F8: variants seen among roughly 807,000 people sequenced by gnomAD.
F8 encodes the protein coagulation factor VIII, also known as antihemophilic factor.
A neutral mutation model predicts 140.6 loss-of-function variants in F8; 12 were observed. The ratio of observed to expected loss-of-function variants is 0.09; its 90% CI spans 0.05 to 0.14. F8 has a LOEUF of 0.14. Among genes scored for constraint, F8 ranks in the 10% least tolerant of loss-of-function variants. The pLI is 1.00. For synonymous variants in F8, 585 were observed against 614.6 expected, an observed-to-expected ratio of 0.95 and a Z score of 0.71; for missense variants, 1,354 against 1,720.7, an observed-to-expected ratio of 0.79 and a Z score of 3.77.
chrX:155,007,469 T>A (rs1262650788), intron 1 of F8, among the ~76,000 whole-genome samples: 1 of 111,495 alleles, frequency 9.0e-6, no homozygotes, highest in Non-Finnish European at 1.9e-5. Flanking sequence ...GAGCTCCCAA[T>A]ATGCCATATT....
At chrX:154,966,922 C>T (rs1316532823) in intron 7 of F8, among the ~76,000 whole-genome samples, 1 of 110,154 alleles carries the variant, frequency 9.1e-6, no homozygotes, top group Non-Finnish European at 1.9e-5. Flanking sequence ...AGGAGCAAGA[C>T]AGAGAGTGCA....
At chrX:154,896,508 C>T (rs1371460750) in intron 21 of F8, among the ~76,000 whole-genome samples, 4 of 37,690 alleles carry the variant, frequency 1.1e-4, no homozygotes, top group Non-Finnish European at 1.7e-4. Flanking sequence ...CCATTTCGTA[C>T]ACACACACAC....
At chrX:154,922,814 G>T (rs1557277668) in intron 14 of F8, among the ~76,000 whole-genome samples, 1 of 111,766 alleles carries the variant, frequency 8.9e-6, no homozygotes, top group African/African-American at 3.3e-5. Flanking sequence ...AGGCAGAGAG[G>T]TTGCAGAGGG....
rs782733383 is a variant in F8 at position 154,836,292 on chromosome X, T to A, written c.*1305A>T. ...TTGGATGCTTCCTCCAACTGCTCTA[T>A]AACTTATCCTTGTCTCCAGCCCCCT... On this transcript the variant is annotated 3_prime_UTR_variant, in exon 26 of 26. Transcript: ENST00000360256. 1 of 111,485 alleles carries A rather than the reference T, an allele frequency of 9.0e-6. No individual in the cohort carries two copies. Among genetic ancestry groups the A allele is most frequent in the Non-Finnish European group, 1.9e-5 (1 of 53,117 alleles). 9.2% of individuals were successfully genotyped at this position (111,485 alleles called of 1,213,427 possible).
intron 13 of F8, among the ~76,000 whole-genome samples, chrX:154,939,321 A>T (rs1403423121): frequency 8.9e-5 from 10 of 112,278 alleles, no homozygotes; most frequent in African/African-American, 3.2e-4. Flanking sequence ...CCACCCTAAT[A>T]CTGCGCTCTT....
intron 1 of F8, among the ~76,000 whole-genome samples, chrX:155,019,050 T>C (rs1301361495): frequency 8.9e-6 from 1 of 112,132 alleles, no homozygotes; most frequent in Non-Finnish European, 1.9e-5. Context: ...CCATGAATAG[T>C]AGATTTTACT....
At position 154,930,164 on chromosome X, in the gene F8, T is replaced by C. The variant is rs1265357914; in HGVS notation, c.3626A>G (p.Gln1209Arg). Residue 1209 changes from glutamine to arginine, a missense_variant, in exon 14 of 26, where the codon CAA (glutamine) becomes CGA (arginine). Coordinates refer to ENST00000360256, the MANE Select transcript of F8 (RefSeq NM_000132.4). ...TATTTCTTCCTGAATTTTTTTTTCT[T>C]GATTGTGTGTATTATTTTCATGTAA... ...DNLHENNTHNQEKKIQEEIEK... is the reference protein window; with the variant it reads ...DNLHENNTHNREKKIQEEIEK... The C allele has an allele frequency of 1.6e-5, 19 of 1,205,700 alleles. No individual in the cohort carries two copies. The highest frequency in any genetic ancestry group is 2.1e-5 in the Non-Finnish European group (19 of 893,389).
chrX:155,006,335 C>T (rs1347811040), intron 1 of F8, among the ~76,000 whole-genome samples: 2 of 65,664 alleles, frequency 3.0e-5, no homozygotes, highest in South Asian at 1.0e-3. Flanking sequence ...GGTCACCCTC[C>T]AGCCACCAGA....
chrX:154,859,438 G>A (rs374524010), intron 25 of F8, among the ~76,000 whole-genome samples: 27 of 108,424 alleles, frequency 2.5e-4, no homozygotes, highest in African/African-American at 8.7e-4. Flanking sequence ...GAGTAGCTGG[G>A]ACTACAGGCA....
chrX:154,997,499 T>G lies in F8; in HGVS notation c.266-404A>C, dbSNP rs1231736553. 3.6e-5 allele frequency among the ~76,000 whole-genome samples: 4 copies of G among 112,328 alleles called. No individual in the cohort carries two copies. The East Asian group carries it at 1.1e-3, about 31-fold the overall frequency. ...ATGAGGCAGGAGGTAGAGGATACTTTCAGTGTAGTAGTCAGGAAGGGCCTC... is the reference window on the plus strand; with the variant it reads ...ATGAGGCAGGAGGTAGAGGATACTTGCAGTGTAGTAGTCAGGAAGGGCCTC... On this transcript the variant is annotated intron_variant, in intron 2 of 25. Coordinates refer to ENST00000360256, the MANE Select transcript of F8 (RefSeq NM_000132.4).
chrX:154,875,922 G>C (rs782536914), intron 22 of F8, among the ~76,000 whole-genome samples: 1 of 110,748 alleles, frequency 9.0e-6, no homozygotes, highest in South Asian at 3.8e-4. Context: ...AAGAGAAAGG[G>C]AATACAGTTT....
At chrX:154,914,930 T>C (rs2073087770) in intron 14 of F8, among the ~76,000 whole-genome samples, 1 of 111,821 alleles carries the variant, frequency 8.9e-6, no homozygotes, top group Non-Finnish European at 1.9e-5. Context: ...ACCAATTTAC[T>C]GTATTAGTCT....
intron 6 of F8, among the ~76,000 whole-genome samples, chrX:154,975,816 T>A (rs1184011892): frequency 8.9e-6 from 1 of 112,469 alleles, no homozygotes; most frequent in Non-Finnish European, 1.9e-5. Context: ...TATATTTAGG[T>A]GCTCCAATGT....
In F8 at chrX:154,993,092, G is replaced by C; in HGVS notation, c.445C>G (p.Pro149Ala). The C allele has an allele frequency of 8.3e-7, 1 of 1,211,481 alleles. No individual in the cohort carries two copies. The highest frequency in any genetic ancestry group is 2.3e-4 in the Middle Eastern group (1 of 4,333). ...CAGACATATGTATGGCTTCCACCAG[G>C]GAAGACTTTATCATCTTCTTTCTCC... ...QREKEDDKVF[P>A]GGSHTYVWQV... Residue 149 changes from proline (P) to alanine (A), a missense_variant, in exon 4 of 26, where the codon CCT (proline) becomes GCT (alanine). Around this residue, in one of 4 missense-constraint regions of F8, gnomAD observed 128 missense variants for 230.4 expected, o/e 0.56. Coordinates refer to ENST00000360256, the MANE Select transcript of F8 (RefSeq NM_000132.4).
At chrX:154,914,481 G>T (rs2073085002) in intron 14 of F8, among the ~76,000 whole-genome samples, 1 of 112,093 alleles carries the variant, frequency 8.9e-6, no homozygotes, top group Non-Finnish European at 1.9e-5. Context: ...TGTCACTCTG[G>T]AATGCTTTGT....
At chrX:154,937,634 T>C (rs1246309148) in intron 13 of F8, among the ~76,000 whole-genome samples, 8 of 111,277 alleles carry the variant, frequency 7.2e-5, no homozygotes, top group African/African-American at 2.6e-4. Flanking sequence ...GAAAGGGACA[T>C]ATTTCTAGAA....
chrX:154,919,211 A>G (rs782081955), intron 14 of F8: 1 of 111,964 alleles, frequency 8.9e-6, no homozygotes, highest in Non-Finnish European at 1.9e-5. Context: ...ACATTTGACC[A>G]TGTTTTATGA....
At position 154,929,069 on chromosome X, in the gene F8, G is replaced by A. The variant is rs2073176638; in HGVS notation, c.4721C>T (p.Ala1574Val). Residue 1574 changes from alanine (A) to valine (V), a missense_variant, in exon 14 of 26, where the codon GCA becomes GTA. Physicochemically the swap from Ala to Val is moderately conservative, Grantham distance 64. Coordinates refer to ENST00000360256, the MANE Select transcript of F8 (RefSeq NM_000132.4). ...PFLRVATESS[A>V]KTPSKLLDPL... ...ATCCAATAGCTTGGAGGGAGTCTTT[G>A]CAGAGCTTTCTGTTGCTACTCTCAG... 8.3e-7 allele frequency: 1 copy of A among 1,211,322 alleles called. No individual in the cohort carries two copies.
intron 3 of F8, among the ~76,000 whole-genome samples, chrX:154,995,713 T>C (rs782296433): frequency 1.8e-5 from 2 of 112,990 alleles, no homozygotes; most frequent in African/African-American, 6.4e-5. Context: ...GAAATTATTT[T>C]AATAATGTAT....
Sources: allele counts gnomAD v4.1 joint callset (sites outside exome capture counted in the v4.1 genomes callset), GRCh38; gene constraint gnomAD v4.1.1; regional missense constraint gnomAD v4.1.1; transcripts MANE v1.5; gene names NCBI Gene and HGNC (gene_info 2026-07-23, HGNC 2026-07-21).